PRPF3: variants seen among roughly 807,000 people sequenced by gnomAD.
PRPF3 encodes the protein pre-mRNA processing factor 3.
In PRPF3, 3 loss-of-function variants were observed where a neutral mutation model predicts 89.2. The ratio of observed to expected loss-of-function variants is 0.03; its 90% CI spans 0.02 to 0.09. The LOEUF is 0.09. Ranked by LOEUF, PRPF3 falls within the 10% of genes least tolerant of loss-of-function variation. The pLI is 1.00. For synonymous variants in PRPF3, 270 were observed against 289.1 expected (o/e 0.93, Z 0.67); for missense variants, 463 against 828.8 (o/e 0.56, Z 5.42).
chr1:150,349,797 T>G (rs1442978826), intron 15 of PRPF3, among the ~76,000 whole-genome samples: 1 of 151,170 alleles, frequency 6.6e-6, no homozygotes, highest in East Asian at 1.9e-4. Flanking sequence ...CTTTAACCCC[T>G]GAAGCCTTCT....
In PRPF3 at chr1:150,349,171, G is replaced by A; in HGVS notation, c.1858G>A (p.Asp620Asn). The change falls in exon 15 of 16, where the codon GAT becomes AAT. Residue 620 changes from aspartate to asparagine, a missense_variant. Physicochemically the swap from Asp to Asn is conservative, Grantham distance 23. Transcript: ENST00000324862. Reference sequence around the variant, plus strand: ...TTCTCTTCCAGATGATGAGGAGTCTGATGAGGAAGCTGTGAAGAAAACCAA... The same window carrying A: ...TTCTCTTCCAGATGATGAGGAGTCTAATGAGGAAGCTGTGAAGAAAACCAA... ...NTKGDDDEES[D>N]EEAVKKTNKC... is the part of the protein sequence containing the mutation. 6.2e-7 allele frequency: 1 copy of A among 1,613,788 alleles called. No individual in the cohort carries two copies. The highest frequency in any genetic ancestry group is 1.1e-5 in the South Asian group (1 of 91,082).
At chr1:150,351,241 G>A (rs946250342) in intron 15 of PRPF3, among the ~76,000 whole-genome samples, 3 of 152,122 alleles carry the variant, frequency 2.0e-5, no homozygotes, top group Non-Finnish European at 4.4e-5. Flanking sequence ...CTCCAGCCTG[G>A]GTGACAGTGC....
intron 6 of PRPF3, among the ~76,000 whole-genome samples, chr1:150,334,642 G>C (rs1656781781): frequency 6.6e-6 from 1 of 151,940 alleles, no homozygotes; most frequent in Admixed American, 6.6e-5. Context: ...CTCTTATAGA[G>C]AAGGCACTGC....
chr1:150,321,879 C>T (rs1186067822), intron 1 of PRPF3, among the ~76,000 whole-genome samples: 1 of 150,742 alleles, frequency 6.6e-6, no homozygotes, highest in Non-Finnish European at 1.5e-5. Context: ...TGAAGATTAG[C>T]GGGGGAGTGG....
intron 3 of PRPF3, 166 bp from the exon 4 acceptor site, chr1:150,328,154 G>C: frequency 1.5e-6 from 1 of 667,416 alleles, no homozygotes; most frequent in Non-Finnish European, 2.6e-6. Flanking sequence ...TTGAAGTTGG[G>C]TGAGATGGAG....
rs5777721 is a variant in PRPF3, at chr1:150,344,763, C to CT, written c.1640+227dup. ...ACCCAGTTCTTCCCTCTCAAGTCTT[C>CT]TTTTTTTTTTTACCAGAATATTAGT... On this transcript the variant is annotated intron_variant, in intron 12 of 15. Coordinates refer to ENST00000324862, the MANE Select transcript of PRPF3 (RefSeq NM_004698.4). Among the ~76,000 whole-genome samples the CT allele has an allele frequency of 3.8e-3, 575 of 149,478 alleles. 4 individuals carry two copies. Among genetic ancestry groups the CT allele is most frequent in the African/African-American group, 0.012 (489 of 40,822 alleles).
In PRPF3 at chr1:150,335,025, G is replaced by A. The variant is rs1553866864; in HGVS notation, c.819G>A (p.Glu273=). The change falls in exon 7 of 16, where the codon GAG becomes GAA. Residue 273 remains glutamate (E), a synonymous_variant. Coordinates refer to ENST00000324862, the MANE Select transcript of PRPF3 (RefSeq NM_004698.4). ...RTVDATGKEI[E]LTHRMPTLKA... Reference sequence around the variant, plus strand: ...TAGATGCAACAGGCAAGGAGATTGAGCTGACACACCGCATGCCTACTCTGA... The same window carrying A: ...TAGATGCAACAGGCAAGGAGATTGAACTGACACACCGCATGCCTACTCTGA... 6.2e-7 allele frequency: 1 copy of A among 1,614,098 alleles called. No homozygotes were observed. The highest frequency in any genetic ancestry group is 1.1e-5 in the South Asian group (1 of 91,088).
At chr1:150,339,747 T>TG (rs1348071753) in intron 8 of PRPF3, among the ~76,000 whole-genome samples, 15 of 148,628 alleles carry the variant, frequency 1.0e-4, no homozygotes, top group African/African-American at 3.5e-4. Context: ...GTTTTTTTTT[T>TG]TTTTTTTTTT....
At chr1:150,346,212 G>A in intron 13 of PRPF3, 76 bp downstream of exon 13, 1 of 1,402,524 alleles carries the variant, frequency 7.1e-7, no homozygotes, top group Non-Finnish European at 1.0e-6. Flanking sequence ...TGGGGAGAAA[G>A]GAGAAAAAGA....
rs182920667 is a variant in PRPF3 at position 150,330,996 on chromosome 1, C to T, written c.424-1688C>T. ...CCTCCCAAAGTGCTGGGATTACAGA[C>T]GTGAGCTGCCAGGCCCAGCCTGTAA... On this transcript the variant is annotated intron_variant, in intron 4 of 15. Transcript: ENST00000324862. Among the ~76,000 whole-genome samples the T allele has an allele frequency of 2.9e-3, 448 of 152,078 alleles. 1 individual carries two copies. Among genetic ancestry groups the T allele is most frequent in the Middle Eastern group, 0.01 (3 of 294 alleles).
intron 4 of PRPF3, among the ~76,000 whole-genome samples, chr1:150,331,634 G>C (rs985816909): frequency 6.6e-6 from 1 of 152,046 alleles, no homozygotes; most frequent in African/African-American, 2.4e-5. Context: ...CAAAGTGCTG[G>C]GATTACAGGC....
intron 9 of PRPF3, among the ~76,000 whole-genome samples, chr1:150,342,154 G>T (rs1657814694): frequency 6.6e-6 from 1 of 151,732 alleles, no homozygotes; most frequent in Admixed American, 6.6e-5. Flanking sequence ...GGCCGAGGCG[G>T]GCAGATCACG....
At chr1:150,346,546 G>A (rs1342879065) in intron 14 of PRPF3, 55 bp downstream of exon 14, 23 of 1,496,448 alleles carry the variant, frequency 1.5e-5, no homozygotes, top group Non-Finnish European at 2.1e-5. Context: ...TGGGGATGGT[G>A]CATCTGTCCG....
intron 4 of PRPF3, chr1:150,330,580 C>T (rs1656239978): frequency 6.6e-6 from 1 of 152,086 alleles, no homozygotes; most frequent in Non-Finnish European, 1.5e-5. Context: ...TGGTCTTGAT[C>T]TCCTGACCTC....
intron 1 of PRPF3, among the ~76,000 whole-genome samples, chr1:150,322,607 A>C (rs782176039): frequency 6.6e-6 from 1 of 152,172 alleles, no homozygotes; most frequent in East Asian, 1.9e-4. Context: ...TGAGGCAGAA[A>C]ATCTTTCAGT....
rs1429533141 is a variant in PRPF3 at position 150,344,032 on chromosome 1, T to C, written c.1427-130T>C. The C allele has an allele frequency of 6.3e-6, 5 of 790,444 alleles. No individual in the cohort carries two copies. The Middle Eastern group carries it at 1.4e-3, about 227-fold the overall frequency. 49.0% of individuals were successfully genotyped at this position (790,444 alleles called of 1,614,324 possible). ...GATGGGATTTTCAAGATAGGAGTTA[T>C]TGGAGGAAGTGAGTTTAGAGCAGAG... On this transcript the variant is annotated intron_variant, in intron 10 of 15. Transcript: ENST00000324862.
Position 150,350,358 on chromosome 1 carries a change from C to T in PRPF3, c.1905+1140C>T, listed in dbSNP as rs587634510. Among the ~76,000 whole-genome samples, 48 of 152,062 alleles carry T rather than the reference C, an allele frequency of 3.2e-4. 1 individual carries two copies. Among genetic ancestry groups the T allele is most frequent in the African/African-American group, 1.0e-3 (42 of 41,508 alleles). ...CTGGAATTACAGGCATGAGCCACCACGCCTGGCTAATTTTGTATTTTTAGT... is the reference window on the plus strand; with the variant it reads ...CTGGAATTACAGGCATGAGCCACCATGCCTGGCTAATTTTGTATTTTTAGT... On this transcript the variant is annotated intron_variant, in intron 15 of 15. Transcript: ENST00000324862.
intron 14 of PRPF3, among the ~76,000 whole-genome samples, chr1:150,347,336 CACAT>C (rs1249578183): frequency 2.0e-5 from 3 of 151,926 alleles, no homozygotes; most frequent in Non-Finnish European, 4.4e-5. Flanking sequence ...ACAATACACA[CACAT>C]ACATGTACAT....
chr1:150,351,024 T>C (rs140164105), intron 15 of PRPF3, among the ~76,000 whole-genome samples: 3,072 of 151,572 alleles, frequency 0.02, 133 homozygotes, highest in African/African-American at 0.071. Flanking sequence ...CCCAACACTT[T>C]GGGAGGCTGA....
Sources: gnomAD v4.1 joint callset for allele counts (sites outside exome capture counted in the v4.1 genomes callset) on GRCh38, gnomAD v4.1.1 for gene constraint, MANE v1.5 for transcripts, NCBI Gene and HGNC (gene_info 2026-07-23, HGNC 2026-07-21) for gene names.